The following SLC25A20 variants were observed in gnomAD, a reference collection of about 807,000 sequenced individuals.
The protein encoded by SLC25A20 is mitochondrial carnitine/acylcarnitine carrier protein.
A neutral mutation model predicts 39.7 loss-of-function variants in SLC25A20; 29 were observed. The observed-to-expected ratio is 0.73, with a 90% CI of 0.54 to 1.00. The LOEUF (loss-of-function observed/expected upper bound fraction) is 1.00. Ranked by LOEUF, SLC25A20 falls within the 50% of genes least tolerant of loss-of-function variation. The pLI, the probability that SLC25A20 is intolerant of heterozygous loss-of-function variation, is 0.00. For missense variants in SLC25A20, 333 were observed against 379.9 expected (o/e 0.88, Z 1.03); for synonymous variants, 103 against 142.2 (o/e 0.72, Z 1.96).
intron 2 of SLC25A20, among the ~76,000 whole-genome samples, chr3:48,886,987 C>T (rs1351625055): frequency 1.3e-5 from 2 of 152,176 alleles, no homozygotes; most frequent in African/African-American, 4.8e-5. Flanking sequence ...ATCAAAGTGG[C>T]ACAACTGTAC....
At chr3:48,881,261 A>G (rs2083793494) in intron 3 of SLC25A20, among the ~76,000 whole-genome samples, 1 of 152,184 alleles carries the variant, frequency 6.6e-6, no homozygotes, top group Non-Finnish European at 1.5e-5. Flanking sequence ...GGCCATCTTC[A>G]CAGTCCCAGT....
Position 48,857,627 on chromosome 3 carries a change from A to G in SLC25A20, c.*83T>C. ...CACCATTCCCCTCCCCTTGCCCTCC[A>G]AGACTGCTTAGTTCTGCTTACTACT... On this transcript the variant is annotated 3_prime_UTR_variant, in exon 9 of 9. Coordinates refer to ENST00000319017, the MANE Select transcript of SLC25A20 (RefSeq NM_000387.6). 7.4e-7 allele frequency: 1 copy of G among 1,344,360 alleles called. No individual in the cohort carries two copies. The highest frequency in any genetic ancestry group is 1.2e-5 in the South Asian group (1 of 82,244). The allele number at this position is 1,344,360 out of a possible 1,614,324, so 83.3% of individuals were successfully genotyped here.
intron 5 of SLC25A20, among the ~76,000 whole-genome samples, chr3:48,862,169 A>C (rs1233423595): frequency 2.0e-5 from 3 of 152,206 alleles, no homozygotes; most frequent in Non-Finnish European, 4.4e-5. Flanking sequence ...TCAGGACAAG[A>C]GTGAGACTGT....
intron 4 of SLC25A20, among the ~76,000 whole-genome samples, chr3:48,870,558 C>CTTTTTTTT (rs752195846): frequency 7.3e-5 from 9 of 123,480 alleles, no homozygotes; most frequent in Non-Finnish European, 1.0e-4. Flanking sequence ...TTTTCTTTTT[C>CTTTTTTTT]TTTTTTTTTT....
rs1278013771 is a variant in SLC25A20 at position 48,859,573 on chromosome 3, A to C, written c.590T>G (p.Phe197Cys). The C allele has an allele frequency of 6.2e-7, 1 of 1,613,940 alleles. No individual in the cohort carries two copies. Among genetic ancestry groups the C allele is most frequent in the Admixed American group, 1.7e-5 (1 of 59,990 alleles). Residue 197 changes from phenylalanine to cysteine, a missense_variant, in exon 6 of 9, where the codon TTC becomes TGC. By Grantham distance (205) the Phe-to-Cys change is radical (BLOSUM62 -2). Coordinates refer to ENST00000319017, the MANE Select transcript of SLC25A20 (RefSeq NM_000387.6). The part of the protein sequence containing the change: ...FMTYEWLKNI[F>C]TPEGKRVSEL... ...TCCTCACCTCTTTCCCTCCGGAGTG[A>C]AGATATTTTTCAGCCATTCATATGT...
intron 4 of SLC25A20, among the ~76,000 whole-genome samples, chr3:48,871,916 C>T (rs1432676686): frequency 6.0e-5 from 9 of 150,418 alleles, no homozygotes; most frequent in Non-Finnish European, 7.4e-5. Flanking sequence ...ACTTCCTGGG[C>T]TGATCCTCAC....
intron 5 of SLC25A20, among the ~76,000 whole-genome samples, chr3:48,861,781 C>G (rs1321506824): frequency 6.6e-6 from 1 of 151,746 alleles, no homozygotes; most frequent in African/African-American, 2.4e-5. Context: ...AATCCCGGCA[C>G]CTTGGGAGGC....
intron 8 of SLC25A20, 86 bp from the exon 9 acceptor site, chr3:48,857,858 C>T: frequency 7.9e-7 from 1 of 1,258,894 alleles, no homozygotes; most frequent in Non-Finnish European, 1.1e-6. Flanking sequence ...CTGGCCCTGT[C>T]AGGACCAGAG....
chr3:48,866,349 T>A (rs1344405621), intron 4 of SLC25A20, among the ~76,000 whole-genome samples: 1 of 149,814 alleles, frequency 6.7e-6, no homozygotes, highest in Non-Finnish European at 1.5e-5. Context: ...AGGTCAAGAG[T>A]TCAAGACCAG....
chr3:48,887,440 C>T (rs985801139), intron 2 of SLC25A20, among the ~76,000 whole-genome samples: 1 of 152,186 alleles, frequency 6.6e-6, no homozygotes, highest in Non-Finnish European at 1.5e-5. Context: ...CAGCACATTG[C>T]CCACCCCTAG....
intron 4 of SLC25A20, among the ~76,000 whole-genome samples, chr3:48,871,666 C>T (rs1338722455): frequency 1.3e-5 from 2 of 151,154 alleles, no homozygotes; most frequent in East Asian, 3.9e-4. Context: ...ACTCAGGAGA[C>T]TGAGGCAGGA....
chr3:48,858,493 T>G lies in SLC25A20; in HGVS notation c.843+14A>C, dbSNP rs1289934572. 2 of 1,614,134 alleles carry G rather than the reference T, an allele frequency of 1.2e-6. No individual in the cohort carries two copies. Among genetic ancestry groups the G allele is most frequent in the South Asian group, 2.2e-5 (2 of 91,086 alleles). Reference sequence around the variant, plus strand: ...GAGCCCCAGAGGGAAAGCACAGCCCTGCCAGCTACTCACCGCATTGGCTGG... The same window carrying G: ...GAGCCCCAGAGGGAAAGCACAGCCCGGCCAGCTACTCACCGCATTGGCTGG... On this transcript the variant is annotated intron_variant, in intron 8 of 8. Transcript: ENST00000319017.
At chr3:48,880,070 C>G (rs1435113748) in intron 3 of SLC25A20, among the ~76,000 whole-genome samples, 1 of 152,174 alleles carries the variant, frequency 6.6e-6, no homozygotes, top group African/African-American at 2.4e-5. Context: ...AAGGACCAGA[C>G]AGGGATGATA....
chr3:48,891,113 A>G (rs1007707256), intron 2 of SLC25A20, among the ~76,000 whole-genome samples: 7 of 151,922 alleles, frequency 4.6e-5, no homozygotes, highest in African/African-American at 1.7e-4. Flanking sequence ...ACACATGGGG[A>G]AAACATCCGC....
chr3:48,886,686 C>T (rs1305995084), intron 2 of SLC25A20, among the ~76,000 whole-genome samples: 2 of 151,986 alleles, frequency 1.3e-5, no homozygotes, highest in Admixed American at 1.3e-4. Context: ...TTGTCATAAG[C>T]TTCTCAGTAA....
intron 1 of SLC25A20, among the ~76,000 whole-genome samples, chr3:48,896,415 C>T (rs1257853131): frequency 6.6e-6 from 1 of 152,036 alleles, no homozygotes; most frequent in East Asian, 1.9e-4. Context: ...CACTTCATAC[C>T]TCATACCTGT....
intron 1 of SLC25A20, 35 bp downstream of exon 1, chr3:48,898,655 C>T: frequency 1.9e-6 from 3 of 1,557,938 alleles, no homozygotes; most frequent in African/African-American, 2.7e-5. Context: ...CCGCCCGGGC[C>T]TCCTCCCCAA....
intron 3 of SLC25A20, among the ~76,000 whole-genome samples, chr3:48,882,349 T>G (rs2083801086): frequency 6.6e-6 from 1 of 152,206 alleles, no homozygotes; most frequent in South Asian, 2.1e-4. Flanking sequence ...ATCTTTATAG[T>G]CATATTAGCA....
At chr3:48,883,394 C>A (rs1225240750) in intron 3 of SLC25A20, among the ~76,000 whole-genome samples, 1 of 150,910 alleles carries the variant, frequency 6.6e-6, no homozygotes, top group East Asian at 2.0e-4. Flanking sequence ...ACTAAACACA[C>A]AAAAAAATTA....
Sources: gnomAD v4.1 joint callset for allele counts (sites outside exome capture counted in the v4.1 genomes callset) on GRCh38, gnomAD v4.1.1 for gene constraint, MANE v1.5 for transcripts, NCBI Gene and HGNC (gene_info 2026-07-23, HGNC 2026-07-21) for gene names.